The following LRRC37A2 variants were observed in gnomAD, a reference collection of about 807,000 sequenced individuals.
LRRC37A2 encodes the protein leucine-rich repeat-containing protein 37A2.
A neutral mutation model predicts 68.8 loss-of-function variants in LRRC37A2; 9 were observed. The observed-to-expected ratio is 0.13, with a 90% CI of 0.08 to 0.23. LRRC37A2 has a LOEUF of 0.23. Ranked by LOEUF, LRRC37A2 falls within the 10% of genes least tolerant of loss-of-function variation. The pLI is 1.00. For synonymous variants in LRRC37A2, 63 were observed against 367.6 expected, an observed-to-expected ratio of 0.17 and a Z score of 9.48; for missense variants, 168 against 950.4, an observed-to-expected ratio of 0.18 and a Z score of 10.82.
chr17:47,001,982 G>A, the LRRC37A2 span, among the ~76,000 whole-genome samples: 317 of 151,976 alleles, frequency 2.1e-3, 3 homozygotes, highest in African/African-American at 7.0e-3. Context: ...CAAGTGATCC[G>A]CCCACCTCGG....
chr17:46,904,388 G>C, the LRRC37A2 span, among the ~76,000 whole-genome samples: 3 of 151,274 alleles, frequency 2.0e-5, no homozygotes, highest in Non-Finnish European at 3.0e-5. Flanking sequence ...CTGACTGGCT[G>C]GCTGGATAAA....
the LRRC37A2 span, among the ~76,000 whole-genome samples, chr17:46,855,252 C>G: frequency 6.6e-6 from 1 of 152,212 alleles, no homozygotes; most frequent in African/African-American, 2.4e-5. Flanking sequence ...AGCCTCCCTT[C>G]CCTGCTTAAT....
the LRRC37A2 span, among the ~76,000 whole-genome samples, chr17:46,772,464 A>C: frequency 6.6e-6 from 1 of 152,218 alleles, no homozygotes; most frequent in African/African-American, 2.4e-5. Context: ...TGTTTGATTC[A>C]GCGCTACCTG....
chr17:46,758,073 A>G, the LRRC37A2 span, among the ~76,000 whole-genome samples: 1 of 152,170 alleles, frequency 6.6e-6, no homozygotes, highest in Non-Finnish European at 1.5e-5. Context: ...GAGGGTTGCC[A>G]CTCAATTAGA....
the LRRC37A2 span, among the ~76,000 whole-genome samples, chr17:46,868,575 G>A: frequency 6.6e-6 from 1 of 152,152 alleles, no homozygotes; most frequent in Non-Finnish European, 1.5e-5. Context: ...CAGCCTGGGT[G>A]ATGGAGTGAG....
chr17:46,833,208 C>T, the LRRC37A2 span: 6 of 396,400 alleles, frequency 1.5e-5, no homozygotes, highest in African/African-American at 8.3e-5. Flanking sequence ...GTCAGCAAAC[C>T]GGGAAGCAGC....
At chr17:46,961,396 A>G in the LRRC37A2 span, among the ~76,000 whole-genome samples, 2 of 152,092 alleles carry the variant, frequency 1.3e-5, no homozygotes, top group Non-Finnish European at 1.5e-5. Flanking sequence ...TAACTGGAAC[A>G]TGGTGGTGTG....
the LRRC37A2 span, among the ~76,000 whole-genome samples, chr17:46,955,315 C>T: frequency 8.0e-5 from 12 of 150,894 alleles, no homozygotes; most frequent in South Asian, 6.4e-4. Context: ...TGCTGGATTA[C>T]GTTTATTGAT....
chr17:47,009,456 G>A, the LRRC37A2 span, among the ~76,000 whole-genome samples: 1 of 152,184 alleles, frequency 6.6e-6, no homozygotes, highest in Admixed American at 6.5e-5. Flanking sequence ...TCATAGCTGG[G>A]GAGCTGGGGG....
At chr17:46,788,198 C>A in the LRRC37A2 span, among the ~76,000 whole-genome samples, 1 of 152,330 alleles carries the variant, frequency 6.6e-6, no homozygotes, top group East Asian at 1.9e-4. Flanking sequence ...CCATCTGTTT[C>A]TTTGCCTCCC....
chr17:46,877,847 G>C, the LRRC37A2 span, among the ~76,000 whole-genome samples: 1 of 152,198 alleles, frequency 6.6e-6, no homozygotes, highest in Non-Finnish European at 1.5e-5. Context: ...AGGTGCTTGA[G>C]TCCTTGCTAA....
At chr17:46,890,835 C>T in the LRRC37A2 span, among the ~76,000 whole-genome samples, 4 of 152,138 alleles carry the variant, frequency 2.6e-5, no homozygotes, top group Non-Finnish European at 5.9e-5. Flanking sequence ...GGGTTGGATG[C>T]AAGGAAGGAA....
the LRRC37A2 span, among the ~76,000 whole-genome samples, chr17:46,822,905 G>A: frequency 6.6e-6 from 1 of 151,558 alleles, no homozygotes; most frequent in African/African-American, 2.4e-5. Context: ...AGATCACAGG[G>A]GCCGCTGTGG....
At chr17:47,025,414 A>G in the LRRC37A2 span, among the ~76,000 whole-genome samples, 2 of 152,208 alleles carry the variant, frequency 1.3e-5, no homozygotes, top group African/African-American at 4.8e-5. Context: ...GAATTATATC[A>G]ATAATATTAT....
At chr17:46,722,193 C>T in the LRRC37A2 span, 79 of 1,598,898 alleles carry the variant, frequency 4.9e-5, no homozygotes, top group East Asian at 6.7e-5. Flanking sequence ...GAACTTGCAG[C>T]GCCTGCTTAG....
chr17:46,751,643 TCAGA>T, the LRRC37A2 span: 3 of 1,451,116 alleles, frequency 2.1e-6, no homozygotes, highest in African/African-American at 2.8e-5. Context: ...TCCGTATGAC[TCAGA>T]CAGAACAAAG....
chr17:46,734,131 G>A, the LRRC37A2 span, among the ~76,000 whole-genome samples: 1 of 152,144 alleles, frequency 6.6e-6, no homozygotes, highest in Non-Finnish European at 1.5e-5. Flanking sequence ...GGACATCTTG[G>A]TATCTTGATA....
At chr17:46,845,395 G>A in the LRRC37A2 span, among the ~76,000 whole-genome samples, 29,736 of 151,826 alleles carry the variant, frequency 0.2, 3,585 homozygotes, top group East Asian at 0.5. Flanking sequence ...TTATATTCAC[G>A]GTGAGCCCAG....
At chr17:46,930,047 ATTTT>A in the LRRC37A2 span, 3 of 124,086 alleles carry the variant, frequency 2.4e-5, no homozygotes, top group Admixed American at 8.1e-5. Context: ...GTTTTTTTTC[ATTTT>A]TTTTTTTTTT....
Sources: gnomAD v4.1 joint callset for allele counts (sites outside exome capture counted in the v4.1 genomes callset) on GRCh38, gnomAD v4.1.1 for gene constraint, MANE v1.5 for transcripts, NCBI Gene and HGNC (gene_info 2026-07-23, HGNC 2026-07-21) for gene names.